PIK3CD: variants seen among roughly 807,000 people sequenced by gnomAD.
The protein encoded by PIK3CD is phosphatidylinositol-4,5-bisphosphate 3-kinase catalytic subunit delta.
A neutral mutation model predicts 122.9 loss-of-function variants in PIK3CD; 20 were observed. The observed-to-expected ratio is 0.16, with a 90% CI of 0.11 to 0.24. The LOEUF is 0.24. PIK3CD is among the 10% of genes least tolerant of loss of function. The pLI is 1.00. For missense variants in PIK3CD, 787 were observed against 1,406.3 expected, an observed-to-expected ratio of 0.56 and a Z score of 7.04; for synonymous variants, 596 against 593.4, an observed-to-expected ratio of 1.00 and a Z score of -0.06.
At chr1:9,648,502 C>A (rs1206344498), upstream of PIK3CD, among the ~76,000 whole-genome samples, 2 of 152,210 alleles carry the variant, frequency 1.3e-5, no homozygotes, top group African/African-American at 2.4e-5. Flanking sequence ...TGTTAGGAAA[C>A]CTTAGGACGG....
chr1:9,726,794 TG>T, intron 23 of PIK3CD, 114 bp from the exon 24 acceptor site: 1 of 1,316,196 alleles, frequency 7.6e-7, no homozygotes, highest in Non-Finnish European at 1.1e-6. Context: ...CCTGAGATGC[TG>T]GGAGCTCTCT....
chr1:9,721,365 C>A, intron 14 of PIK3CD, 79 bp from the exon 15 acceptor site: 1 of 1,607,402 alleles, frequency 6.2e-7, no homozygotes, highest in Non-Finnish European at 8.5e-7. Context: ...TCCTGCCTGG[C>A]CTCCCTCTGG....
intron 1 of PIK3CD, among the ~76,000 whole-genome samples, chr1:9,661,799 A>C (rs1382128768): frequency 6.6e-6 from 1 of 152,200 alleles, no homozygotes. Context: ...GATCGAGACC[A>C]TCCTGGCTAA....
chr1:9,687,546 G>T (rs1646013051), intron 1 of PIK3CD: 1 of 152,066 alleles, frequency 6.6e-6, no homozygotes, highest in Non-Finnish European at 1.5e-5. Flanking sequence ...CCCTCCCTCA[G>T]GCGGGGGACG....
chr1:9,690,122 C>T (rs2100439285), intron 1 of PIK3CD, among the ~76,000 whole-genome samples: 1 of 152,260 alleles, frequency 6.6e-6, no homozygotes, highest in Admixed American at 6.5e-5. Flanking sequence ...GTCCTCCCCT[C>T]CCCCTGCCCC....
chr1:9,715,754 C>T lies in PIK3CD; in HGVS notation c.355C>T (p.Leu119Phe), dbSNP rs1198914856. Residue 119 changes from leucine (L) to phenylalanine (F), a missense_variant, in exon 4 of 24, where the codon CTC becomes TTC. Coordinates refer to ENST00000377346, the MANE Select transcript of PIK3CD (RefSeq NM_005026.5). The surrounding 1 kb of genome is among the most constrained non-coding windows in gnomAD (Gnocchi z 4.1). Reference sequence around the variant, plus strand: ...GAAGCTCATCAACTCACAGATCAGCCTCCTCATCGGCAAAGGTAGCTCTGC... The same window carrying T: ...GAAGCTCATCAACTCACAGATCAGCTTCCTCATCGGCAAAGGTAGCTCTGC... The part of the protein sequence containing the change: ...VKKLINSQIS[L>F]LIGKGLHEFD... 6.2e-7 allele frequency: 1 copy of T among 1,613,298 alleles called. No individual in the cohort carries two copies. Among genetic ancestry groups the T allele is most frequent in the Non-Finnish European group, 8.5e-7 (1 of 1,179,984 alleles).
chr1:9,634,704 T>C, the PIK3CD span, among the ~76,000 whole-genome samples: 7 of 152,286 alleles, frequency 4.6e-5, no homozygotes, highest in Admixed American at 1.3e-4. Context: ...CATCCAAAAA[T>C]AGGAAAACCT....
In PIK3CD at chr1:9,682,355, C is replaced by CA. The variant is rs1645787924; in HGVS notation, c.-137-9111dup. 2.6e-5 allele frequency among the ~76,000 whole-genome samples: 4 copies of CA among 151,624 alleles called. No homozygotes were observed. In the South Asian group the frequency reaches 8.3e-4, roughly 32 times the overall value. On this transcript the variant is annotated intron_variant, in intron 1 of 23. Transcript: ENST00000377346. ...CTCCGCCTCCAGGGTTCTCCTGTCT[C>CA]AGCCTCCTGAGTAGCTGGGATTACA...
intron 3 of PIK3CD, among the ~76,000 whole-genome samples, chr1:9,711,341 C>A (rs1447757552): frequency 6.6e-6 from 1 of 152,142 alleles, no homozygotes; most frequent in African/African-American, 2.4e-5. Context: ...GTGATCCACC[C>A]GCTTCGGCCT....
At chr1:9,714,896 C>T (rs1472103594) in intron 3 of PIK3CD, among the ~76,000 whole-genome samples, 2 of 152,060 alleles carry the variant, frequency 1.3e-5, no homozygotes, top group South Asian at 2.1e-4. Context: ...GGTTGCCAGG[C>T]GCAGTGGCTC....
intron 1 of PIK3CD, chr1:9,688,321 T>G (rs1042173395): frequency 2.6e-5 from 4 of 152,356 alleles, no homozygotes; most frequent in African/African-American, 9.7e-5. Context: ...AAGGTTTGTC[T>G]TGGGCTGTGG....
In PIK3CD at chr1:9,675,046, GAGAA is replaced by G. The variant is rs145905057; in HGVS notation, c.-137-16403_-137-16400del. On this transcript the variant is annotated intron_variant, in intron 1 of 23. Coordinates refer to ENST00000377346, the MANE Select transcript of PIK3CD (RefSeq NM_005026.5). ...AAAAAAAAAAAAAAAAAGAGAGAGA[GAGAA>G]AGAAAGAAAGAAAGAAATGCTAAGC... Among the ~76,000 whole-genome samples, 41 of 143,236 alleles carry G rather than the reference GAGAA, an allele frequency of 2.9e-4. 1 individual carries two copies. Among genetic ancestry groups the G allele is most frequent in the South Asian group, 1.3e-3 (6 of 4,578 alleles). The allele number at this position is 143,236 out of a possible 152,430, so 94.0% of individuals were successfully genotyped here. A position where few individuals can be genotyped will look rare whatever the true frequency, so the allele number is the denominator to read the frequency against.
In PIK3CD at chr1:9,715,658, C is replaced by CGGCGTCT; in HGVS notation, c.261_267dup (p.Cys90AlafsTer4). 1 of 1,613,748 alleles carries CGGCGTCT rather than the reference C, an allele frequency of 6.2e-7. No individual in the cohort carries two copies. Among genetic ancestry groups the CGGCGTCT allele is most frequent in the Non-Finnish European group, 8.5e-7 (1 of 1,180,032 alleles). ...GCAGCAAGAGCTGGAGGACGAGCAA[C>CGGCGTCT]GGCGTCTGTGTGACGTGCAGCCCTT... is the stretch of plus-strand genomic sequence containing the variant. On this transcript the variant is annotated frameshift_variant, in exon 4 of 24. Coordinates refer to ENST00000377346, the MANE Select transcript of PIK3CD (RefSeq NM_005026.5). LOFTEE classifies it high-confidence loss of function. The surrounding 1 kb of genome is among the most constrained non-coding windows in gnomAD (Gnocchi z 4.1).
intron 3 of PIK3CD, among the ~76,000 whole-genome samples, chr1:9,713,823 T>C (rs958957772): frequency 4.6e-5 from 7 of 150,830 alleles, no homozygotes; most frequent in Admixed American, 1.3e-4. Flanking sequence ...GCCCAAGCTA[T>C]AGATAGCATT....
chr1:9,660,631 A>G (rs2100817289), intron 1 of PIK3CD, among the ~76,000 whole-genome samples: 1 of 152,092 alleles, frequency 6.6e-6, no homozygotes, highest in Non-Finnish European at 1.5e-5. Flanking sequence ...GGGAAAACAG[A>G]GGAATAGCAC....
Position 9,724,928 on chromosome 1 carries a change from T to C in PIK3CD, c.2989T>C (p.Tyr997His). 1 of 1,613,738 alleles carries C rather than the reference T, an allele frequency of 6.2e-7. No homozygotes were observed. Among genetic ancestry groups the C allele is most frequent in the Non-Finnish European group, 8.5e-7 (1 of 1,180,032 alleles). The change falls in exon 23 of 24, where the codon TAT becomes CAT. Residue 997 changes from tyrosine to histidine, a missense_variant. Tyr to His is a moderately conservative substitution (Grantham distance 83). Transcript: ENST00000377346. The surrounding 1 kb of genome is among the most constrained non-coding windows in gnomAD (Gnocchi z 7.3). ...PELSCSKDIQ[Y>H]LKDSLALGKT... ...GCTCAGCTGCTCCAAAGACATCCAGTATCTCAAGGTATGTGCCGGGCAGGA... is the reference window on the plus strand; with the variant it reads ...GCTCAGCTGCTCCAAAGACATCCAGCATCTCAAGGTATGTGCCGGGCAGGA...
chr1:9,647,994 A>G (rs1028959838), upstream of PIK3CD, among the ~76,000 whole-genome samples: 6 of 152,212 alleles, frequency 3.9e-5, no homozygotes, highest in Admixed American at 2.6e-4. Flanking sequence ...GCTATTTGCT[A>G]CATGTATATA....
In PIK3CD at chr1:9,692,383, T is replaced by G. The variant is rs78044326; in HGVS notation, c.-33+812T>G. Among the ~76,000 whole-genome samples, 600 of 152,318 alleles carry G rather than the reference T, an allele frequency of 3.9e-3. 6 individuals carry two copies. Among genetic ancestry groups the G allele is most frequent in the African/African-American group, 0.014 (582 of 41,566 alleles). ...ACCTCAGCCTCATTTTCTCTAGATC[T>G]TCATTGGTACTTTCCAAACTTGTTT... On this transcript the variant is annotated intron_variant, in intron 2 of 23. Transcript: ENST00000377346.
chr1:9,678,583 A>G (rs1645627970), intron 1 of PIK3CD, among the ~76,000 whole-genome samples: 1 of 152,138 alleles, frequency 6.6e-6, no homozygotes, highest in Non-Finnish European at 1.5e-5. Context: ...TCTCCAGAAA[A>G]AGGCTCTTTC....
Sources: gnomAD v4.1 joint callset for allele counts (sites outside exome capture counted in the v4.1 genomes callset) on GRCh38, gnomAD v4.1.1 for gene constraint, Gnocchi (gnomAD v3.1) non-coding constraint, MANE v1.5 for transcripts, NCBI Gene and HGNC (gene_info 2026-07-23, HGNC 2026-07-21) for gene names.